The following VAV2 variants were observed in gnomAD, a reference collection of about 807,000 sequenced individuals.
VAV2 encodes the protein guanine nucleotide exchange factor VAV2.
VAV2 carries 67 observed loss-of-function variants against 132.5 expected under a neutral mutation model. The ratio of observed to expected loss-of-function variants is 0.51; its 90% CI spans 0.42 to 0.62. The LOEUF (loss-of-function observed/expected upper bound fraction) is 0.62. Ranked by LOEUF, VAV2 falls within the 20% of genes least tolerant of loss-of-function variation. The pLI, the probability that VAV2 is intolerant of heterozygous loss-of-function variation, is 0.00. For synonymous variants in VAV2, 492 were observed against 443.5 expected (o/e 1.11, Z -1.37); for missense variants, 938 against 1,153.6 (o/e 0.81, Z 2.71).
chr9:133,788,614 G>T lies in VAV2; in HGVS notation c.1275-128C>A. The T allele has an allele frequency of 7.7e-7, 1 of 1,306,030 alleles. No homozygotes were observed. Among genetic ancestry groups the T allele is most frequent in the Non-Finnish European group, 1.0e-6 (1 of 961,994 alleles). 80.9% of individuals were successfully genotyped at this position (1,306,030 alleles called of 1,614,324 possible). A position where few individuals can be genotyped will look rare whatever the true frequency, so the allele number is the denominator to read the frequency against. On this transcript the variant is annotated intron_variant, in intron 14 of 29. Transcript: ENST00000371850. This position sits in a 1 kb window ranked among gnomAD's most constrained non-coding sequence, Gnocchi z 5.3. ...CTCCGGGCGAGCCCTGCCCTCACCT[G>T]GCTCACCAGGCTAATGCTGAGCCTC...
intron 2 of VAV2, among the ~76,000 whole-genome samples, chr9:133,862,160 G>A (rs754757106): frequency 1.4e-4 from 21 of 152,368 alleles, no homozygotes; most frequent in Admixed American, 4.6e-4. Flanking sequence ...GGCCTGCCCC[G>A]TGATGTGGGC....
Position 133,988,683 on chromosome 9 carries a change from G to A in VAV2, c.204+3392C>T, listed in dbSNP as rs554788136. Among the ~76,000 whole-genome samples the A allele has an allele frequency of 7.9e-5, 12 of 152,342 alleles. No individual in the cohort carries two copies. The East Asian group carries it at 2.3e-3, about 29-fold the overall frequency. The stretch of plus-strand genomic sequence containing the variant: ...TCACGTCTGTAATCCCAGCACTTTG[G>A]GAGGCTGAGGCGAGCAGATCATGAG... On this transcript the variant is annotated intron_variant, in intron 1 of 29. Transcript: ENST00000371850.
chr9:133,784,385 G>T lies in VAV2; in HGVS notation c.1566C>A (p.Asn522Lys), dbSNP rs1834135530. 6.2e-7 allele frequency: 1 copy of T among 1,614,234 alleles called. No homozygotes were observed. The highest frequency in any genetic ancestry group is 8.5e-7 in the Non-Finnish European group (1 of 1,180,042). ...ACGTGTACATCTGGAAACTGTGGTG[G>T]TTGGCATTGGCTTTGTCTGGCTTGA... is the stretch of plus-strand genomic sequence containing the variant. ...SNIKPDKANANHHSFQMYTFD... is the reference protein window; with the variant it reads ...SNIKPDKANAKHHSFQMYTFD... The change falls in exon 18 of 30, where the codon AAC (asparagine) becomes AAA (lysine). Residue 522 changes from asparagine to lysine, a missense_variant. Coordinates refer to ENST00000371850, the MANE Select transcript of VAV2 (RefSeq NM_001134398.2).
At chr9:133,909,679 G>C (rs1026646187) in intron 2 of VAV2, among the ~76,000 whole-genome samples, 1 of 152,102 alleles carries the variant, frequency 6.6e-6, no homozygotes, top group African/African-American at 2.4e-5. Flanking sequence ...CAAAGAGGGG[G>C]AGACAGCCTT....
In VAV2 at chr9:133,812,095, G is replaced by A. The variant is rs1483126842; in HGVS notation, c.552+19C>T. 5.0e-6 allele frequency: 8 copies of A among 1,611,274 alleles called. No homozygotes were observed. The highest frequency in any genetic ancestry group is 6.8e-6 in the Non-Finnish European group (8 of 1,177,928). On this transcript the variant is annotated intron_variant, in intron 5 of 29. Transcript: ENST00000371850. ...GAGGGAAGGGAGGGGAAGGGAGGGAGGAGCGGGGCAGGGCTCACCATGGGC... is the reference window on the plus strand; with the variant it reads ...GAGGGAAGGGAGGGGAAGGGAGGGAAGAGCGGGGCAGGGCTCACCATGGGC...
At chr9:133,776,167 T>A (rs1394273286) in intron 23 of VAV2, 87 bp from the exon 24 acceptor site, 1 of 1,542,514 alleles carries the variant, frequency 6.5e-7, no homozygotes, top group African/African-American at 1.4e-5. Flanking sequence ...GTGACTGCCC[T>A]GTCCCCACAT....
chr9:133,871,384 G>A (rs1473156176), intron 2 of VAV2, among the ~76,000 whole-genome samples: 1 of 151,444 alleles, frequency 6.6e-6, no homozygotes, highest in African/African-American at 2.4e-5. Context: ...ATGGATGGAT[G>A]GATGAATAGA....
Position 133,804,845 on chromosome 9 carries a change from T to G in VAV2, c.836+1236A>C, listed in dbSNP as rs780555294. ...CTTAACCCTCTGGGGCTGGCCAGTG[T>G]GCTCACACCTGCTGGGCCTCGTCAG... On this transcript the variant is annotated intron_variant, in intron 9 of 29. Coordinates refer to ENST00000371850, the MANE Select transcript of VAV2 (RefSeq NM_001134398.2). The surrounding 1 kb of genome is among the most constrained non-coding windows in gnomAD (Gnocchi z 4.5). Among the ~76,000 whole-genome samples, 2 of 152,168 alleles carry G rather than the reference T, an allele frequency of 1.3e-5. No individual in the cohort carries two copies. The highest frequency in any genetic ancestry group is 2.4e-5 in the African/African-American group (1 of 41,436).
intron 2 of VAV2, among the ~76,000 whole-genome samples, chr9:133,936,536 C>T (rs1236746599): frequency 6.6e-6 from 1 of 152,210 alleles, no homozygotes; most frequent in Non-Finnish European, 1.5e-5. Context: ...AGCCACCATG[C>T]CCGACCCAGC....
intron 17 of VAV2, among the ~76,000 whole-genome samples, chr9:133,785,245 C>T (rs1834171894): frequency 6.6e-6 from 1 of 152,250 alleles, no homozygotes; most frequent in Non-Finnish European, 1.5e-5. Flanking sequence ...CCGCAGAGCT[C>T]AAGCACAGAC....
At chr9:133,942,511 C>T (rs2132148513) in intron 1 of VAV2, among the ~76,000 whole-genome samples, 1 of 152,402 alleles carries the variant, frequency 6.6e-6, no homozygotes, top group African/African-American at 2.4e-5. Flanking sequence ...GCTACGCCCT[C>T]TCGCTCATCT....
At chr9:133,836,022 G>C (rs1046041157) in intron 3 of VAV2, among the ~76,000 whole-genome samples, 1 of 152,202 alleles carries the variant, frequency 6.6e-6, no homozygotes, top group Non-Finnish European at 1.5e-5. Context: ...GTGTCCCTGG[G>C]TCACAGGCAG....
chr9:133,790,143 G>C (rs1017750543), intron 13 of VAV2, among the ~76,000 whole-genome samples: 1 of 152,182 alleles, frequency 6.6e-6, no homozygotes, highest in Non-Finnish European at 1.5e-5. Context: ...CTGGCTCATG[G>C]GGATGCTCGA....
At position 133,825,587 on chromosome 9, in the gene VAV2, C is replaced by T. The variant is rs146444248; in HGVS notation, c.449+8685G>A. Among the ~76,000 whole-genome samples, 46 of 152,330 alleles carry T rather than the reference C, an allele frequency of 3.0e-4. No individual in the cohort carries two copies. The East Asian group carries it at 7.1e-3, about 24-fold the overall frequency. On this transcript the variant is annotated intron_variant, in intron 4 of 29. Coordinates refer to ENST00000371850, the MANE Select transcript of VAV2 (RefSeq NM_001134398.2). ...CTCCACACTCAGGCGTCCTCCACAA[C>T]GCGGACCTCCCAGAGTGAAGATGAA...
In VAV2 at chr9:133,794,702, T is replaced by A. The variant is rs1276133098; in HGVS notation, c.1101+966A>T. The stretch of plus-strand genomic sequence containing the variant: ...TGTCCTGTGCTCCCGACGAGGGAGA[T>A]GTGGGGGGGGTCGTCATCCCTCCAC... On this transcript the variant is annotated intron_variant, in intron 12 of 29. Transcript: ENST00000371850. The surrounding 1 kb of genome is among the most constrained non-coding windows in gnomAD (Gnocchi z 4.6). Among the ~76,000 whole-genome samples, 2 of 151,942 alleles carry A rather than the reference T, an allele frequency of 1.3e-5. No individual in the cohort carries two copies. The highest frequency in any genetic ancestry group is 4.8e-5 in the African/African-American group (2 of 41,334).
rs144047881 is a variant in VAV2 at position 133,825,558 on chromosome 9, C to T, written c.449+8714G>A. ...AAACCCAGCCTCTCCCAGCTCAACT[C>T]GGGCTCCACACTCAGGCGTCCTCCA... On this transcript the variant is annotated intron_variant, in intron 4 of 29. Transcript: ENST00000371850. Among the ~76,000 whole-genome samples the T allele has an allele frequency of 6.5e-3, 985 of 152,304 alleles. 15 individuals carry two copies. The highest frequency in any genetic ancestry group is 0.022 in the African/African-American group (920 of 41,554).
intron 1 of VAV2, among the ~76,000 whole-genome samples, chr9:133,950,875 C>T (rs915898206): frequency 4.6e-5 from 7 of 152,128 alleles, no homozygotes; most frequent in Admixed American, 6.6e-5. Context: ...GGCATTCGCA[C>T]GCTCTCTGGA....
intron 16 of VAV2, among the ~76,000 whole-genome samples, chr9:133,786,380 G>A (rs200846605): frequency 7.5e-6 from 1 of 134,094 alleles, no homozygotes; most frequent in African/African-American, 2.9e-5. Flanking sequence ...GTGCTCTCCT[G>A]TGGGTGCTCT....
At chr9:133,793,520 C>A (rs570439328) in intron 12 of VAV2, among the ~76,000 whole-genome samples, 1 of 152,258 alleles carries the variant, frequency 6.6e-6, no homozygotes, top group East Asian at 1.9e-4. Flanking sequence ...AATAAATTCC[C>A]AGAGACAAGG....
Sources: gnomAD v4.1 joint callset for allele counts (sites outside exome capture counted in the v4.1 genomes callset) on GRCh38, gnomAD v4.1.1 for gene constraint, Gnocchi (gnomAD v3.1) non-coding constraint, MANE v1.5 for transcripts, NCBI Gene and HGNC (gene_info 2026-07-23, HGNC 2026-07-21) for gene names.